Variants in FMN2 observed in about 807,000 individuals in gnomAD.
FMN2 encodes formin-2.
A neutral mutation model predicts 142.3 loss-of-function variants in FMN2; 51 were observed. The observed-to-expected ratio is 0.36, with a 90% CI of 0.29 to 0.45. FMN2 has a LOEUF of 0.45. FMN2 is among the 20% of genes least tolerant of loss of function. The probability of loss-of-function intolerance (pLI) is 1.00; values close to 1 mark genes in which losing one functional copy is unlikely to be tolerated. For missense variants in FMN2, 1,936 were observed against 2,122.8 expected (o/e 0.91, Z 1.73); for synonymous variants, 882 against 869.8 (o/e 1.01, Z -0.25).
chr1:240,459,716 C>CT lies in FMN2; in HGVS notation c.5061-12655dup, dbSNP rs775890693. On this transcript the variant is annotated intron_variant, in intron 16 of 17. Coordinates refer to ENST00000319653, the MANE Select transcript of FMN2 (RefSeq NM_020066.5). ...TGGGTGACAGAACAAGACTCTGTCT[C>CT]TAAAAAAAAAAAAAAAAAAAAAAAA... Among the ~76,000 whole-genome samples the CT allele has an allele frequency of 6.7e-4, 22 of 32,850 alleles. 1 individual carries two copies. Among genetic ancestry groups the CT allele is most frequent in the African/African-American group, 2.8e-3 (20 of 7,210 alleles). 21.6% of individuals were successfully genotyped at this position (32,850 alleles called of 152,430 possible). A position where few individuals can be genotyped will look rare whatever the true frequency, so the allele number is the denominator to read the frequency against.
At chr1:240,353,706 T>G (rs1672171611) in intron 13 of FMN2, among the ~76,000 whole-genome samples, 1 of 152,218 alleles carries the variant, frequency 6.6e-6, no homozygotes, top group Non-Finnish European at 1.5e-5. Context: ...AGCATATTAA[T>G]CATCTACTTC....
intron 14 of FMN2, among the ~76,000 whole-genome samples, chr1:240,365,278 CAT>C (rs548194072): frequency 8.1e-6 from 1 of 124,076 alleles, no homozygotes; most frequent in Non-Finnish European, 1.7e-5. Flanking sequence ...TATATACATA[CAT>C]ATGTGTGTGT....
At chr1:240,305,753 T>C (rs1445658780) in intron 8 of FMN2, among the ~76,000 whole-genome samples, 1 of 152,210 alleles carries the variant, frequency 6.6e-6, no homozygotes, top group Non-Finnish European at 1.5e-5. Flanking sequence ...ACTATTTTAC[T>C]TATTACCAAA....
At chr1:240,326,554 T>C (rs1269841371) in intron 8 of FMN2, among the ~76,000 whole-genome samples, 1 of 152,204 alleles carries the variant, frequency 6.6e-6, no homozygotes, top group Non-Finnish European at 1.5e-5. Flanking sequence ...TTTTGTGTTG[T>C]TTAAGACCCA....
rs370032000 is a variant in FMN2 at position 240,463,966 on chromosome 1, G to A, written c.5061-8406G>A. On this transcript the variant is annotated intron_variant, in intron 16 of 17. Coordinates refer to ENST00000319653, the MANE Select transcript of FMN2 (RefSeq NM_020066.5). ...TGTAGTGAGCTGAGATCATGCTACT[G>A]TACTCCAGTCTGGGTGACAGAGGGA... is the stretch of plus-strand genomic sequence containing the variant. 4.5e-4 allele frequency among the ~76,000 whole-genome samples: 68 copies of A among 151,990 alleles called. No individual in the cohort carries two copies. In the South Asian group the frequency reaches 6.7e-3, roughly 15 times the overall value.
At chr1:240,239,854 T>G (rs1019581975) in intron 6 of FMN2, among the ~76,000 whole-genome samples, 2 of 152,246 alleles carry the variant, frequency 1.3e-5, no homozygotes, top group Non-Finnish European at 2.9e-5. Context: ...TCTGAATATT[T>G]AACATTTTCT....
rs767483383 is a variant in FMN2 at position 240,199,100 on chromosome 1, G to A, written c.1987-7699G>A. 1.1e-4 allele frequency among the ~76,000 whole-genome samples: 16 copies of A among 143,816 alleles called. 1 individual carries two copies. Among genetic ancestry groups the A allele is most frequent in the Admixed American group, 7.4e-4 (11 of 14,770 alleles). 94.3% of individuals were successfully genotyped at this position (143,816 alleles called of 152,430 possible). The stretch of plus-strand genomic sequence containing the variant: ...AGCCTGGGTGACAGAGGGAGACTCC[G>A]TCTCAAAAAACAAACAAACAAAAAA... On this transcript the variant is annotated intron_variant, in intron 4 of 17. Coordinates refer to ENST00000319653, the MANE Select transcript of FMN2 (RefSeq NM_020066.5).
intron 6 of FMN2, among the ~76,000 whole-genome samples, chr1:240,224,101 C>T (rs751878076): frequency 6.6e-6 from 1 of 152,120 alleles, no homozygotes; most frequent in Non-Finnish European, 1.5e-5. Flanking sequence ...ATCTTTCCTG[C>T]TTTCTCCTGT....
chr1:240,412,893 C>T (rs918480063), intron 15 of FMN2, among the ~76,000 whole-genome samples: 1 of 151,700 alleles, frequency 6.6e-6, no homozygotes, highest in Admixed American at 6.6e-5. Flanking sequence ...GAGGCCGAGG[C>T]GGGTGGATCA....
intron 1 of FMN2, among the ~76,000 whole-genome samples, chr1:240,099,929 C>T (rs1661358534): frequency 6.6e-6 from 1 of 152,110 alleles, no homozygotes; most frequent in Admixed American, 6.5e-5. Flanking sequence ...CTAATCTGTC[C>T]ACAGATATCT....
chr1:240,468,322 G>GCA (rs1206798916), intron 16 of FMN2, among the ~76,000 whole-genome samples: 1 of 148,444 alleles, frequency 6.7e-6, no homozygotes, highest in Admixed American at 6.7e-5. Flanking sequence ...ATATACATAT[G>GCA]CACACACACA....
At chr1:240,311,447 A>G (rs911074619) in intron 8 of FMN2, among the ~76,000 whole-genome samples, 2 of 152,056 alleles carry the variant, frequency 1.3e-5, no homozygotes, top group African/African-American at 4.8e-5. Flanking sequence ...TTAAAACCAT[A>G]CTCTCAAATT....
In FMN2 at chr1:240,207,301, C is replaced by G; in HGVS notation, c.2489C>G (p.Pro830Arg). The G allele has an allele frequency of 6.2e-7, 1 of 1,613,848 alleles. No individual in the cohort carries two copies. Among genetic ancestry groups the G allele is most frequent in the Non-Finnish European group, 8.5e-7 (1 of 1,179,864 alleles). ...CAAGGACAGCCTGGGTCACAGCCGC[C>G]CCATTCTATTTCTACCGAGTTTCAA... ...AGQGQPGSQP[P>R]HSISTEFQTS... is the part of the protein sequence containing the mutation. Residue 830 changes from proline (P) to arginine (R), a missense_variant, in exon 5 of 18, where the codon CCC (proline) becomes CGC (arginine). By Grantham distance (103) the Pro-to-Arg change is moderately radical. Coordinates refer to ENST00000319653, the MANE Select transcript of FMN2 (RefSeq NM_020066.5).
Position 240,092,769 on chromosome 1 carries a change from G to GCAA in FMN2, c.662_663insACA (p.Gln225dup). On this transcript the variant is annotated inframe_insertion, in exon 1 of 18. Transcript: ENST00000319653. Reference sequence around the variant, plus strand: ...AGCTCCAGCTCCAGCTCCAGCAACAGCAGCAGCAGCAGCAGCTCCAGGGCG... The same window carrying GCAA: ...AGCTCCAGCTCCAGCTCCAGCAACAGCAACAGCAGCAGCAGCAGCTCCAGGGCG... 6.3e-7 allele frequency: 1 copy of GCAA among 1,588,710 alleles called. No individual in the cohort carries two copies.
chr1:240,252,953 CTTTT>C lies in FMN2; in HGVS notation c.4066-4978_4066-4975del, dbSNP rs59902639. Among the ~76,000 whole-genome samples, 574 of 65,350 alleles carry C rather than the reference CTTTT, an allele frequency of 8.8e-3. 34 individuals are homozygous for C. The highest frequency in any genetic ancestry group is 0.012 in the Non-Finnish European group (436 of 37,822). 42.9% of individuals were successfully genotyped at this position (65,350 alleles called of 152,430 possible). On this transcript the variant is annotated intron_variant, in intron 6 of 17. Transcript: ENST00000319653. The stretch of plus-strand genomic sequence containing the variant: ...CCCATGTGTGATGTAGTCTTGTTCA[CTTTT>C]TTTTTTTTTTTTTGGAGACAGAGTC...
intron 13 of FMN2, among the ~76,000 whole-genome samples, chr1:240,338,490 A>G (rs766200128): frequency 6.6e-6 from 1 of 152,134 alleles, no homozygotes; most frequent in Non-Finnish European, 1.5e-5. Flanking sequence ...CCCACAGTCA[A>G]CCTTGATCCA....
chr1:240,326,954 A>C (rs1234438607), intron 8 of FMN2, among the ~76,000 whole-genome samples: 1 of 152,190 alleles, frequency 6.6e-6, no homozygotes, highest in Non-Finnish European at 1.5e-5. Flanking sequence ...TTTGCCAGAA[A>C]GATGGGTATT....
intron 2 of FMN2, among the ~76,000 whole-genome samples, chr1:240,137,787 G>T (rs750165604): frequency 6.6e-6 from 1 of 151,942 alleles, no homozygotes; most frequent in Non-Finnish European, 1.5e-5. Context: ...GAACAGAAGA[G>T]GCGTCTTAAC....
At chr1:240,436,653 G>A (rs528341631) in intron 15 of FMN2, among the ~76,000 whole-genome samples, 1 of 147,726 alleles carries the variant, frequency 6.8e-6, no homozygotes, top group East Asian at 2.0e-4. Flanking sequence ...CTCTAGCCTG[G>A]GTGACAGTGT....
Sources: allele counts gnomAD v4.1 joint callset (sites outside exome capture counted in the v4.1 genomes callset), GRCh38; gene constraint gnomAD v4.1.1; transcripts MANE v1.5; gene names NCBI Gene and HGNC (gene_info 2026-07-23, HGNC 2026-07-21).